RP1L1: variants seen among roughly 807,000 people sequenced by gnomAD.
RP1L1 encodes retinitis pigmentosa 1-like 1 protein.
A neutral mutation model predicts 15.7 loss-of-function variants in RP1L1; 27 were observed. That is an observed-to-expected ratio of 1.72 (90% CI 1.27 to 2.38). The LOEUF is 2.38. RP1L1 is among the 30% of genes most tolerant of loss of function. RP1L1 has a pLI of 0.00. For synonymous variants in RP1L1, 1,813 were observed against 1,276.7 expected (o/e 1.42, Z -8.96); for missense variants, 4,798 against 3,075.9 (o/e 1.56, Z -13.24).
At position 10,607,676 on chromosome 8, in the gene RP1L1, G is replaced by C. The variant is rs201792806; in HGVS notation, c.6422C>G (p.Ala2141Gly). 3.0e-5 allele frequency: 47 copies of C among 1,584,942 alleles called. No homozygotes were observed. The highest frequency in any genetic ancestry group is 3.7e-5 in the Non-Finnish European group (43 of 1,164,732). Residue 2141 changes from alanine to glycine, a missense_variant, in exon 4 of 4, where the codon GCC becomes GGC. Transcript: ENST00000382483. ...CTCTACACCTTCTGACTCAGGCTGG[G>C]CCTCCCCTTCAGCCTCTGGGGCCTC... ...GIEAPEAEGE[A>G]QPESEGVEAQ... is the part of the protein sequence containing the mutation.
intron 1 of RP1L1, among the ~76,000 whole-genome samples, chr8:10,651,676 G>C (rs554286230): frequency 6.7e-6 from 1 of 150,192 alleles, no homozygotes; most frequent in Non-Finnish European, 1.5e-5. Context: ...AGAATCCCTT[G>C]AACTCAGGAG....
chr8:10,621,662 A>G (rs1301390067), intron 2 of RP1L1: 1 of 470,514 alleles, frequency 2.1e-6, no homozygotes, highest in Non-Finnish European at 4.3e-6. Flanking sequence ...AATGGTGCAT[A>G]CAGATGTTAA....
At chr8:10,617,010 A>C (rs192127078) in intron 2 of RP1L1, among the ~76,000 whole-genome samples, 226 of 151,512 alleles carry the variant, frequency 1.5e-3, no homozygotes, top group African/African-American at 5.2e-3. Flanking sequence ...AATGAAGGAG[A>C]CTCTGTGCTG....
chr8:10,640,266 A>G (rs901588661), intron 1 of RP1L1, among the ~76,000 whole-genome samples: 2 of 152,246 alleles, frequency 1.3e-5, no homozygotes, highest in Non-Finnish European at 2.9e-5. Context: ...TTGGAGAATG[A>G]ACCATTTTAC....
At chr8:10,619,729 C>G (rs1052768016) in intron 2 of RP1L1, among the ~76,000 whole-genome samples, 1 of 152,060 alleles carries the variant, frequency 6.6e-6, no homozygotes, top group Non-Finnish European at 1.5e-5. Flanking sequence ...GAGTTCAAGA[C>G]CAGCCTGGCC....
At chr8:10,644,445 G>A (rs1563140390) in intron 1 of RP1L1, among the ~76,000 whole-genome samples, 1 of 152,184 alleles carries the variant, frequency 6.6e-6, no homozygotes, top group African/African-American at 2.4e-5. Context: ...ACTGTTGAAG[G>A]GTCACACCAG....
At chr8:10,632,534 T>G (rs59081051) in intron 1 of RP1L1, among the ~76,000 whole-genome samples, 237 of 152,314 alleles carry the variant, frequency 1.6e-3, no homozygotes, top group African/African-American at 5.6e-3. Flanking sequence ...TGCCTGCAGC[T>G]CCTTGTCTCC....
chr8:10,645,191 G>C (rs1188069623), intron 1 of RP1L1, among the ~76,000 whole-genome samples: 1 of 152,124 alleles, frequency 6.6e-6, no homozygotes, highest in Admixed American at 6.5e-5. Flanking sequence ...GCTGGGCGTG[G>C]TGGTGCACAC....
At position 10,612,231 on chromosome 8, in the gene RP1L1, C is replaced by T. The variant is rs1797875682; in HGVS notation, c.1867G>A (p.Gly623Arg). The T allele has an allele frequency of 6.2e-7, 1 of 1,613,094 alleles. No homozygotes were observed. Among genetic ancestry groups the T allele is most frequent in the South Asian group, 1.1e-5 (1 of 91,094 alleles). Residue 623 changes from glycine (G) to arginine (R), a missense_variant, in exon 4 of 4, where the codon GGA becomes AGA. Coordinates refer to ENST00000382483, the MANE Select transcript of RP1L1 (RefSeq NM_178857.6). ...LGLSCSWDSE[G>R]ASSTPSTCTS... ...CAGGTGGAAGGGGTGGAAGAGGCTC[C>T]TTCCGAGTCCCAGGAGCAGGAAAGG... is the stretch of plus-strand genomic sequence containing the variant.
chr8:10,611,701 C>T lies in RP1L1; in HGVS notation c.2397G>A (p.Thr799=), dbSNP rs539931552. ...AASLGEEARD[T]PQPSSPLVLQ... Reference sequence around the variant, plus strand: ...GAACCAAGGGTGAGGAGGGCTGAGGCGTGTCCCTGGCCTCTTCCCCCAGGC... The same window carrying T: ...GAACCAAGGGTGAGGAGGGCTGAGGTGTGTCCCTGGCCTCTTCCCCCAGGC... The change falls in exon 4 of 4, where the codon ACG becomes ACA. Residue 799 remains threonine, a synonymous_variant. Transcript: ENST00000382483. 1.5e-4 allele frequency: 241 copies of T among 1,613,500 alleles called. No individual in the cohort carries two copies. The South Asian group carries it at 2.3e-3, about 16-fold the overall frequency.
intron 3 of RP1L1, among the ~76,000 whole-genome samples, chr8:10,615,772 G>A (rs777906444): frequency 1.3e-5 from 2 of 152,108 alleles, no homozygotes; most frequent in African/African-American, 4.8e-5. Flanking sequence ...GAACTCCTGG[G>A]CTCAAGTGAT....
rs374521681 is a variant in RP1L1, at chr8:10,609,436, G to A, written c.4662C>T (p.Asp1554=). ...RWGLQDNDLL[D]QMAAELQQDV... is the part of the protein sequence containing the mutation. ...CCTGCTGCAGCTCGGCCGCCATCTG[G>A]TCCAGCAGATCATTGTCCTGCAGGC... The change falls in exon 4 of 4, where the codon GAC becomes GAT. Residue 1554 remains aspartate, a synonymous_variant. Transcript: ENST00000382483. 7 of 1,612,290 alleles carry A rather than the reference G, an allele frequency of 4.3e-6. No individual in the cohort carries two copies. The highest frequency in any genetic ancestry group is 4.0e-5 in the African/African-American group (3 of 74,920).
In RP1L1 at chr8:10,631,510, G is replaced by C. The variant is rs563971269; in HGVS notation, c.-19-8290C>G. Reference sequence around the variant, plus strand: ...TGACATGTGTGAAGCTCTTTTCCGTGTATAGCAGGATTATATATACACATA... The same window carrying C: ...TGACATGTGTGAAGCTCTTTTCCGTCTATAGCAGGATTATATATACACATA... On this transcript the variant is annotated intron_variant, in intron 1 of 3. Coordinates refer to ENST00000382483, the MANE Select transcript of RP1L1 (RefSeq NM_178857.6). 5.6e-4 allele frequency among the ~76,000 whole-genome samples: 86 copies of C among 152,316 alleles called. 1 individual carries two copies. Among genetic ancestry groups the C allele is most frequent in the African/African-American group, 1.8e-3 (75 of 41,552 alleles).
chr8:10,643,597 A>G (rs2117260355), intron 1 of RP1L1, among the ~76,000 whole-genome samples: 1 of 152,272 alleles, frequency 6.6e-6, no homozygotes, highest in East Asian at 1.9e-4. Flanking sequence ...AAAAAAAAAT[A>G]GCTGTCTTTC....
At chr8:10,615,642 C>T (rs181592129) in intron 3 of RP1L1, among the ~76,000 whole-genome samples, 2 of 152,070 alleles carry the variant, frequency 1.3e-5, no homozygotes, top group African/African-American at 2.4e-5. Flanking sequence ...CATCCTCCCC[C>T]CTCAGCCTCC....
chr8:10,622,971 C>T lies in RP1L1; in HGVS notation c.231G>A (p.Gly77=), dbSNP rs767365554. 3.7e-6 allele frequency: 6 copies of T among 1,613,922 alleles called. No individual in the cohort carries two copies. In the South Asian group the frequency reaches 4.4e-5, roughly 12 times the overall value. ...CCCGGGGTGTGGTGACAGAGCGCAC[C>T]CCAAAGGAGAGAGGCACGCGCTGGG... ...ELSQRVPLSF[G]VRSVTTPRGL... The change falls in exon 2 of 4, where the codon GGG becomes GGA. Residue 77 remains glycine (G), a synonymous_variant. Coordinates refer to ENST00000382483, the MANE Select transcript of RP1L1 (RefSeq NM_178857.6).
chr8:10,614,400 C>G (rs958125280), intron 3 of RP1L1, among the ~76,000 whole-genome samples: 1 of 152,106 alleles, frequency 6.6e-6, no homozygotes, highest in African/African-American at 2.4e-5. Flanking sequence ...TAGCTCACGC[C>G]TGTAATCCCA....
rs754474072 is a variant in RP1L1, at chr8:10,611,139, G to A, written c.2959C>T (p.Leu987=). 6 of 1,612,928 alleles carry A rather than the reference G, an allele frequency of 3.7e-6. No individual in the cohort carries two copies. The Admixed American group carries it at 1.0e-4, about 27-fold the overall frequency. ...DETTGAAGGG[L]RGPEVDPGDD... Reference sequence around the variant, plus strand: ...CCAGGGTCCACCTCGGGGCCTCTCAGGCCACCCCCAGCTGCACCTGTGGTC... The same window carrying A: ...CCAGGGTCCACCTCGGGGCCTCTCAAGCCACCCCCAGCTGCACCTGTGGTC... Residue 987 remains leucine, a synonymous_variant, in exon 4 of 4, where the codon CTG becomes TTG. Transcript: ENST00000382483.
chr8:10,637,929 G>C (rs922101674), intron 1 of RP1L1, among the ~76,000 whole-genome samples: 3 of 152,202 alleles, frequency 2.0e-5, no homozygotes, highest in African/African-American at 7.2e-5. Context: ...CTAGTTCTTG[G>C]GACAGCCCCA....
Sources: allele counts gnomAD v4.1 joint callset (sites outside exome capture counted in the v4.1 genomes callset), GRCh38; gene constraint gnomAD v4.1.1; transcripts MANE v1.5; gene names NCBI Gene and HGNC (gene_info 2026-07-23, HGNC 2026-07-21).